Variants in ST6GALNAC2 observed in about 807,000 individuals in gnomAD.
ST6GALNAC2 encodes the protein ST6 N-acetylgalactosaminide alpha-2,6-sialyltransferase 2.
A neutral mutation model predicts 38.7 loss-of-function variants in ST6GALNAC2; 42 were observed. The observed-to-expected ratio is 1.09, with a 90% CI of 0.85 to 1.40. ST6GALNAC2 has a LOEUF of 1.40. Ranked by LOEUF, ST6GALNAC2 falls within the 40% of genes most tolerant of loss-of-function variation. The pLI, the probability that ST6GALNAC2 is intolerant of heterozygous loss-of-function variation, is 0.00. For synonymous variants in ST6GALNAC2, 233 were observed against 209.0 expected, an observed-to-expected ratio of 1.11 and a Z score of -0.99; for missense variants, 506 against 481.7, an observed-to-expected ratio of 1.05 and a Z score of -0.47.
intron 1 of ST6GALNAC2, among the ~76,000 whole-genome samples, chr17:76,583,799 C>G (rs2075509141): frequency 7.2e-6 from 1 of 138,122 alleles, no homozygotes; most frequent in Non-Finnish European, 1.5e-5. Flanking sequence ...GTATAGGGTA[C>G]AGTGTGATAT....
At chr17:76,577,851 G>A (rs986168396) in intron 2 of ST6GALNAC2, among the ~76,000 whole-genome samples, 3 of 152,096 alleles carry the variant, frequency 2.0e-5, no homozygotes, top group African/African-American at 7.2e-5. Context: ...GGGATTACAG[G>A]TGTGAGCCAC....
chr17:76,571,343 C>T (rs2075351620), intron 5 of ST6GALNAC2: 1 of 152,304 alleles, frequency 6.6e-6, no homozygotes, highest in Non-Finnish European at 1.5e-5. Flanking sequence ...CCTATAATCC[C>T]AACACTTTGG....
Position 76,572,771 on chromosome 17 carries a change from T to G in ST6GALNAC2, c.535A>C (p.Asn179His). The G allele has an allele frequency of 6.2e-7, 1 of 1,614,072 alleles. No homozygotes were observed. Among genetic ancestry groups the G allele is most frequent in the South Asian group, 1.1e-5 (1 of 91,086 alleles). The change falls in exon 5 of 9, where the codon AAT (asparagine) becomes CAT (histidine). Residue 179 changes from asparagine (N) to histidine (H), a missense_variant. Physicochemically the swap from Asn to His is moderately conservative, Grantham distance 68. Transcript: ENST00000225276. ...TCGAAGCCTTTGATCACAGCTCCATTGAGTCTGGTTGGCACAGAGGCCCAT... is the reference window on the plus strand; with the variant it reads ...TCGAAGCCTTTGATCACAGCTCCATGGAGTCTGGTTGGCACAGAGGCCCAT... Reference protein sequence around the residue: ...IDAHDYVFRLNGAVIKGFERD... With the variant: ...IDAHDYVFRLHGAVIKGFERD...
rs147984768 is a variant in ST6GALNAC2 at position 76,568,809 on chromosome 17, A to G, written c.774-13T>C. 433 of 1,612,604 alleles carry G rather than the reference A, an allele frequency of 2.7e-4. 2 individuals carry two copies. In the African/African-American group the frequency reaches 5.4e-3, roughly 20 times the overall value. Reference sequence around the variant, plus strand: ...ATAGGCGTGCGGCCTAGGACCCATGATAGAAGTGGACAGAGCGCCCAGAGC... The same window carrying G: ...ATAGGCGTGCGGCCTAGGACCCATGGTAGAAGTGGACAGAGCGCCCAGAGC... On this transcript the variant is annotated splice_polypyrimidine_tract_variant and intron_variant, in intron 6 of 8. Coordinates refer to ENST00000225276, the MANE Select transcript of ST6GALNAC2 (RefSeq NM_006456.3).
chr17:76,583,466 A>G (rs1439814945), intron 1 of ST6GALNAC2, among the ~76,000 whole-genome samples: 1 of 151,798 alleles, frequency 6.6e-6, no homozygotes, highest in Non-Finnish European at 1.5e-5. Flanking sequence ...GAGCCAAGAT[A>G]GACCCACTGT....
chr17:76,566,713 AAG>A (rs1160271822), intron 8 of ST6GALNAC2, among the ~76,000 whole-genome samples: 4 of 140,650 alleles, frequency 2.8e-5, no homozygotes, highest in Admixed American at 7.0e-5. Flanking sequence ...AAAAAAAAAA[AAG>A]AGCTGGGCGT....
At chr17:76,581,647 T>C (rs1445103361) in intron 1 of ST6GALNAC2, among the ~76,000 whole-genome samples, 2 of 152,124 alleles carry the variant, frequency 1.3e-5, no homozygotes, top group Non-Finnish European at 2.9e-5. Context: ...GTATCCCTGG[T>C]GCTCAGCCAC....
chr17:76,578,718 G>C, intron 2 of ST6GALNAC2, 38 bp downstream of exon 2: 1 of 1,580,780 alleles, frequency 6.3e-7, no homozygotes. Flanking sequence ...CTAATTTGAG[G>C]GTGCTCAAAA....
intron 7 of ST6GALNAC2, 81 bp from the exon 8 acceptor site, chr17:76,567,633 G>C: frequency 1.1e-6 from 1 of 940,226 alleles, no homozygotes. Flanking sequence ...AAATAGGTGG[G>C]AAAACTTCAA....
At chr17:76,572,141 G>A (rs912132600) in intron 5 of ST6GALNAC2, among the ~76,000 whole-genome samples, 7 of 152,050 alleles carry the variant, frequency 4.6e-5, no homozygotes, top group African/African-American at 1.7e-4. Context: ...ATGGGTACAC[G>A]GGTCCCACTC....
At chr17:76,579,293 T>G (rs1444970849) in intron 1 of ST6GALNAC2, among the ~76,000 whole-genome samples, 1 of 152,258 alleles carries the variant, frequency 6.6e-6, no homozygotes, top group Non-Finnish European at 1.5e-5. Flanking sequence ...TTTGCCTCAC[T>G]GTGTAAACTC....
chr17:76,567,693 C>T (rs1391053900), intron 7 of ST6GALNAC2, 141 bp from the exon 8 acceptor site: 2 of 553,530 alleles, frequency 3.6e-6, no homozygotes, highest in East Asian at 6.3e-5. Flanking sequence ...TCCAAGTGGA[C>T]TAAATACAAA....
In ST6GALNAC2 at chr17:76,573,127, TG is replaced by T; in HGVS notation, c.530+67del. Reference sequence around the variant, plus strand: ...CACTGCTGCCATAGCCCACTGCCCCTGGGGGAGACACCCCCACCCTCCAGGC... The same window carrying T: ...CACTGCTGCCATAGCCCACTGCCCCTGGGGAGACACCCCCACCCTCCAGGC... On this transcript the variant is annotated intron_variant, in intron 4 of 8. Coordinates refer to ENST00000225276, the MANE Select transcript of ST6GALNAC2 (RefSeq NM_006456.3). The surrounding 1 kb of genome is among the most constrained non-coding windows in gnomAD (Gnocchi z 5.1). 2 of 1,503,712 alleles carry T rather than the reference TG, an allele frequency of 1.3e-6. No homozygotes were observed. The highest frequency in any genetic ancestry group is 1.4e-5 in the African/African-American group (1 of 73,480). 93.1% of individuals were successfully genotyped at this position (1,503,712 alleles called of 1,614,324 possible).
intron 1 of ST6GALNAC2, among the ~76,000 whole-genome samples, chr17:76,585,313 A>C (rs1464384487): frequency 1.3e-5 from 2 of 152,190 alleles, no homozygotes; most frequent in Non-Finnish European, 2.9e-5. Context: ...ACCGAGGGAG[A>C]GTTCCCGACA....
At chr17:76,575,486 G>A (rs1212753635) in intron 2 of ST6GALNAC2, among the ~76,000 whole-genome samples, 2 of 152,160 alleles carry the variant, frequency 1.3e-5, no homozygotes, top group Admixed American at 1.3e-4. Flanking sequence ...GGATCTGTGC[G>A]ATGCACCATA....
At position 76,565,424 on chromosome 17, in the gene ST6GALNAC2, A is replaced by G. The variant is rs2075266242; in HGVS notation, c.*680T>C. 6.7e-6 allele frequency: 1 copy of G among 150,172 alleles called. No individual in the cohort carries two copies. Among genetic ancestry groups the G allele is most frequent in the Non-Finnish European group, 1.5e-5 (1 of 67,758 alleles). 9.3% of individuals were successfully genotyped at this position (150,172 alleles called of 1,614,324 possible). ...CTGGTGACATCATCCTGTTGGTGACAAGGTGGTGATACATCTCTAATGGGA... is the reference window on the plus strand; with the variant it reads ...CTGGTGACATCATCCTGTTGGTGACGAGGTGGTGATACATCTCTAATGGGA... On this transcript the variant is annotated 3_prime_UTR_variant, in exon 9 of 9. Transcript: ENST00000225276.
intron 1 of ST6GALNAC2, among the ~76,000 whole-genome samples, chr17:76,583,300 C>T (rs1301521892): frequency 2.1e-5 from 3 of 145,646 alleles, no homozygotes; most frequent in Non-Finnish European, 4.5e-5. Flanking sequence ...GGCATGAACC[C>T]GGGAGACAGA....
rs1218191773 is a variant in ST6GALNAC2 at position 76,585,720 on chromosome 17, G to A, written c.89C>T (p.Ala30Val). 2.0e-6 allele frequency: 3 copies of A among 1,537,300 alleles called. No homozygotes were observed. Among genetic ancestry groups the A allele is most frequent in the Admixed American group, 2.0e-5 (1 of 50,754 alleles). The change falls in exon 1 of 9, where the codon GCG becomes GTG. Residue 30 changes from alanine to valine, a missense_variant. By Grantham distance (64) the Ala-to-Val change is moderately conservative (BLOSUM62 0). Coordinates refer to ENST00000225276, the MANE Select transcript of ST6GALNAC2 (RefSeq NM_006456.3). ...CGCTGGCCCCGGGTACCGCTGCACCGCCGAGAAGTACAGGGCAAAGAGGAG... is the reference window on the plus strand; with the variant it reads ...CGCTGGCCCCGGGTACCGCTGCACCACCGAGAAGTACAGGGCAAAGAGGAG... The part of the protein sequence containing the change: ...SGLLFALYFS[A>V]VQRYPGPAAG...
intron 3 of ST6GALNAC2, 130 bp downstream of exon 3, chr17:76,574,232 TCTG>T: frequency 9.3e-7 from 1 of 1,075,234 alleles, no homozygotes; most frequent in South Asian, 1.7e-5. Flanking sequence ...AGCTGGGGCT[TCTG>T]GGAGGAGAGA....
Sources: allele counts gnomAD v4.1 joint callset (sites outside exome capture counted in the v4.1 genomes callset), GRCh38; gene constraint gnomAD v4.1.1; non-coding constraint Gnocchi (gnomAD v3.1); transcripts MANE v1.5; gene names NCBI Gene and HGNC (gene_info 2026-07-23, HGNC 2026-07-21).